Variants in TMEM87A observed in about 807,000 individuals in gnomAD.
TMEM87A encodes Golgi-pH regulating cation channel.
TMEM87A carries 50 observed loss-of-function variants against 90.0 expected under a neutral mutation model. The ratio of observed to expected loss-of-function variants is 0.56; its 90% confidence interval spans 0.44 to 0.70. The LOEUF is 0.70. Among genes scored for constraint, TMEM87A ranks in the 30% least tolerant of loss-of-function variants. TMEM87A has a pLI of 0.00. For missense variants in TMEM87A, 577 were observed against 660.5 expected (o/e 0.87, Z 1.39); for synonymous variants, 226 against 226.7 (o/e 1.00, Z 0.03).
intron 2 of TMEM87A, among the ~76,000 whole-genome samples, chr15:42,270,262 C>T (rs936143229): frequency 1.3e-5 from 2 of 151,900 alleles, no homozygotes; most frequent in African/African-American, 2.4e-5. Flanking sequence ...CCCAGCTACT[C>T]GGGAGGCTGA....
At chr15:42,265,943 C>T (rs148876105) in intron 3 of TMEM87A, among the ~76,000 whole-genome samples, 25 of 152,236 alleles carry the variant, frequency 1.6e-4, no homozygotes, top group African/African-American at 4.3e-4. Flanking sequence ...AGCACGCTAC[C>T]GCAACACTAT....
At chr15:42,231,998 C>T (rs1242325358) in intron 11 of TMEM87A, 9 of 713,876 alleles carry the variant, frequency 1.3e-5, no homozygotes, top group South Asian at 2.3e-5. Flanking sequence ...ATACAGAGGA[C>T]AGTGTGATTT....
At chr15:42,257,967 T>C (rs1226467752) in intron 6 of TMEM87A, 14 of 981,616 alleles carry the variant, frequency 1.4e-5, no homozygotes, top group Non-Finnish European at 1.7e-5. Context: ...ATTTTTACTT[T>C]TAAGTTATAG....
intron 5 of TMEM87A, 86 bp from the exon 6 acceptor site, chr15:42,261,088 G>C (rs1344530922): frequency 1.9e-5 from 29 of 1,522,022 alleles, no homozygotes; most frequent in Non-Finnish European, 2.2e-5. Flanking sequence ...GGGGAAGCCT[G>C]CTCCCCAGGT....
intron 10 of TMEM87A, among the ~76,000 whole-genome samples, chr15:42,234,174 G>A (rs975318107): frequency 7.9e-5 from 12 of 151,932 alleles, no homozygotes; most frequent in Non-Finnish European, 1.6e-4. Flanking sequence ...ATCCTATTAC[G>A]GTTCATTAAA....
At chr15:42,264,481 T>C (rs1419538967) in intron 3 of TMEM87A, among the ~76,000 whole-genome samples, 2 of 152,018 alleles carry the variant, frequency 1.3e-5, no homozygotes, top group Non-Finnish European at 1.5e-5. Flanking sequence ...GAGGGTTTTG[T>C]CACATTAAAA....
intron 7 of TMEM87A, among the ~76,000 whole-genome samples, chr15:42,241,540 T>TAAA (rs1367719614): frequency 1.3e-5 from 2 of 152,190 alleles, no homozygotes; most frequent in Non-Finnish European, 2.9e-5. Context: ...GGACCAGTTG[T>TAAA]AAAGAGTTTT....
At chr15:42,218,172 C>A (rs2050413253) in intron 18 of TMEM87A, 151 bp downstream of exon 18, 3 of 800,012 alleles carry the variant, frequency 3.7e-6, no homozygotes, top group Non-Finnish European at 5.9e-6. Flanking sequence ...AATGAATAAA[C>A]CCAATTAATT....
At chr15:42,227,526 C>A (rs2050616472) in intron 14 of TMEM87A, 185 bp downstream of exon 14, 2 of 513,516 alleles carry the variant, frequency 3.9e-6, no homozygotes, top group Non-Finnish European at 6.9e-6. Context: ...AAACAAAAAA[C>A]TACTATACCA....
intron 4 of TMEM87A, among the ~76,000 whole-genome samples, chr15:42,263,038 GA>G (rs1013484078): frequency 6.6e-6 from 1 of 152,158 alleles, no homozygotes; most frequent in Non-Finnish European, 1.5e-5. Context: ...CTAAGACAAT[GA>G]TGATACCCTT....
chr15:42,259,921 AG>A (rs1264768832), intron 6 of TMEM87A, among the ~76,000 whole-genome samples: 2 of 152,218 alleles, frequency 1.3e-5, no homozygotes, highest in African/African-American at 4.8e-5. Flanking sequence ...GAAAGAAAAT[AG>A]ATTACTGATT....
chr15:42,252,429 C>A (rs1162940282), intron 6 of TMEM87A, among the ~76,000 whole-genome samples: 3 of 152,174 alleles, frequency 2.0e-5, no homozygotes, highest in Non-Finnish European at 4.4e-5. Context: ...ATTTTATGAA[C>A]ATACAACATT....
chr15:42,232,176 G>A (rs7169546), intron 11 of TMEM87A, among the ~76,000 whole-genome samples: 5,082 of 152,202 alleles, frequency 0.033, 296 homozygotes, highest in African/African-American at 0.12. Context: ...TAATTGAAAT[G>A]GCCTAGAGAA....
chr15:42,236,780 C>T (rs375403774), intron 9 of TMEM87A, among the ~76,000 whole-genome samples: 3 of 152,320 alleles, frequency 2.0e-5, no homozygotes, highest in South Asian at 2.1e-4. Flanking sequence ...ACAAAACACA[C>T]TCGTGTACAC....
rs1339915651 is a variant in TMEM87A, at chr15:42,257,956, G to C, written c.504+3002C>G. The C allele has an allele frequency of 5.1e-6, 5 of 982,260 alleles. No individual in the cohort carries two copies. The African/African-American group carries it at 7.0e-5, about 14-fold the overall frequency. The allele number at this position is 982,260 out of a possible 1,614,324, so 60.8% of individuals were successfully genotyped here. ...ACTATTAGAACATAAAATTACAAAG[G>C]ATTTTTACTTTTAAGTTATAGAATT... is the stretch of plus-strand genomic sequence containing the variant. On this transcript the variant is annotated intron_variant, in intron 6 of 19. Coordinates refer to ENST00000389834, the MANE Select transcript of TMEM87A (RefSeq NM_015497.5).
intron 19 of TMEM87A, among the ~76,000 whole-genome samples, chr15:42,213,561 G>A (rs1288563208): frequency 6.6e-6 from 1 of 152,172 alleles, no homozygotes; most frequent in African/African-American, 2.4e-5. Context: ...AAAGAGCTGG[G>A]CTATGCCACT....
chr15:42,226,055 A>G (rs1048136140), intron 15 of TMEM87A, among the ~76,000 whole-genome samples: 1 of 151,940 alleles, frequency 6.6e-6, no homozygotes, highest in African/African-American at 2.4e-5. Flanking sequence ...TATGCTGTGC[A>G]GTGGCATGAT....
At chr15:42,268,894 A>T (rs1025624620) in intron 2 of TMEM87A, among the ~76,000 whole-genome samples, 1 of 152,206 alleles carries the variant, frequency 6.6e-6, no homozygotes, top group Non-Finnish European at 1.5e-5. Flanking sequence ...TTCCACTGAG[A>T]GCAAAATTGC....
chr15:42,227,400 T>C (rs1285120373), intron 14 of TMEM87A, among the ~76,000 whole-genome samples: 1 of 152,206 alleles, frequency 6.6e-6, no homozygotes, highest in Non-Finnish European at 1.5e-5. Flanking sequence ...GTACTTAATA[T>C]TTAGTACTCT....
Sources: allele counts gnomAD v4.1 joint callset (sites outside exome capture counted in the v4.1 genomes callset), GRCh38; gene constraint gnomAD v4.1.1; transcripts MANE v1.5; gene names NCBI Gene and HGNC (gene_info 2026-07-23, HGNC 2026-07-21).